Variants in CTBP2 observed in about 807,000 individuals in gnomAD.
CTBP2 encodes C-terminal binding protein 2, also known as C-terminal-binding protein 2.
A neutral mutation model predicts 80.3 loss-of-function variants in CTBP2; 30 were observed. The observed-to-expected ratio is 0.37, with a 90% confidence interval of 0.28 to 0.51. The LOEUF (loss-of-function observed/expected upper bound fraction) is 0.51, where lower values mean the gene tolerates loss of function less well. Among genes scored for constraint, CTBP2 ranks in the 20% least tolerant of loss-of-function variants. CTBP2 has a pLI of 0.93. For synonymous variants in CTBP2, 594 were observed against 587.4 expected (o/e 1.01, Z -0.16); for missense variants, 1,212 against 1,375.3 (o/e 0.88, Z 1.88).
intron 2 of CTBP2, among the ~76,000 whole-genome samples, chr10:125,050,320 C>A (rs764419200): frequency 6.6e-6 from 1 of 152,202 alleles, no homozygotes; most frequent in Non-Finnish European, 1.5e-5. Context: ...TCAAAGACAC[C>A]GCTTCCCAGA....
intron 8 of CTBP2, among the ~76,000 whole-genome samples, chr10:124,991,894 G>T (rs1017600483): frequency 5.3e-4 from 29 of 54,770 alleles, no homozygotes; most frequent in Admixed American, 1.8e-3. Flanking sequence ...CAGCAATAAT[G>T]GGGGGGGGGG....
intron 1 of CTBP2, among the ~76,000 whole-genome samples, chr10:125,129,478 C>A (rs7080602): frequency 6.6e-6 from 1 of 152,124 alleles, no homozygotes; most frequent in African/African-American, 2.4e-5. Flanking sequence ...GACCTTAGGT[C>A]ATGAGACCCG....
At chr10:125,035,492 G>T (rs1445578062) in intron 3 of CTBP2, among the ~76,000 whole-genome samples, 1 of 152,310 alleles carries the variant, frequency 6.6e-6, no homozygotes, top group East Asian at 1.9e-4. Context: ...GCAGTAAAAC[G>T]AAACACATAC....
chr10:125,144,213 C>A (rs988823923), intron 1 of CTBP2, among the ~76,000 whole-genome samples: 1 of 152,212 alleles, frequency 6.6e-6, no homozygotes, highest in African/African-American at 2.4e-5. Context: ...ACTGGATTCT[C>A]CTGCTTCCCT....
chr10:125,136,817 GC>G (rs1285780753), intron 1 of CTBP2, among the ~76,000 whole-genome samples: 1 of 152,216 alleles, frequency 6.6e-6, no homozygotes, highest in Non-Finnish European at 1.5e-5. Context: ...AGCTTCACTA[GC>G]ACAGGGACAT....
intron 8 of CTBP2, 77 bp downstream of exon 10, chr10:124,992,618 G>A (rs549834802): frequency 3.5e-5 from 37 of 1,061,356 alleles, no homozygotes; most frequent in Non-Finnish European, 4.8e-5. Flanking sequence ...TTAAGCTTCC[G>A]CCAAGTTTGG....
Position 125,026,267 on chromosome 10 carries a change from G to A in CTBP2, c.1493C>T (p.Ala498Val), listed in dbSNP as rs1165128068. The A allele has an allele frequency of 1.2e-6, 2 of 1,613,876 alleles. No individual in the cohort carries two copies. Among genetic ancestry groups the A allele is most frequent in the Non-Finnish European group, 8.5e-7 (1 of 1,179,942 alleles). Residue 498 changes from alanine (A) to valine (V), a missense_variant, in exon 1 of 9, where the codon GCC becomes GTC. Around this residue, in one of 3 missense-constraint regions of CTBP2, gnomAD observed 848 missense variants for 782.3 expected, o/e 1.08. Coordinates refer to ENST00000309035, the MANE Select transcript of CTBP2 (RefSeq NM_022802.3). ...GTGAGGGCTGGGCAGCGGAGAGGCG[G>A]CCACGTTGCGCTCCCTCTTTAGCAG...
chr10:125,073,638 G>C (rs1845852371), intron 2 of CTBP2, among the ~76,000 whole-genome samples: 1 of 152,332 alleles, frequency 6.6e-6, no homozygotes, highest in African/African-American at 2.4e-5. Flanking sequence ...ACAATTTTTA[G>C]GTGGAAAGTC....
chr10:125,104,356 CT>C (rs1851122344), intron 2 of CTBP2, among the ~76,000 whole-genome samples: 1 of 152,222 alleles, frequency 6.6e-6, no homozygotes. Context: ...ACATTTCCCC[CT>C]AATGTTCTAT....
At chr10:125,143,725 T>A (rs1439805867) in intron 1 of CTBP2, among the ~76,000 whole-genome samples, 1 of 152,192 alleles carries the variant, frequency 6.6e-6, no homozygotes, top group Non-Finnish European at 1.5e-5. Flanking sequence ...GCATTCCACT[T>A]TATTTTGTAT....
intron 2 of CTBP2, among the ~76,000 whole-genome samples, chr10:125,103,539 A>T (rs905468805): frequency 1.3e-5 from 2 of 151,866 alleles, no homozygotes; most frequent in Non-Finnish European, 2.9e-5. Flanking sequence ...GGGACTGAAG[A>T]CTCCCTCCAG....
At chr10:125,057,041 T>A (rs1964075446) in intron 2 of CTBP2, among the ~76,000 whole-genome samples, 1 of 152,214 alleles carries the variant, frequency 6.6e-6, no homozygotes. Context: ...CATGCCTCTC[T>A]GCCCTCTGGG....
intron 1 of CTBP2, among the ~76,000 whole-genome samples, chr10:125,144,280 C>T (rs977726582): frequency 3.3e-5 from 5 of 152,220 alleles, no homozygotes; most frequent in Non-Finnish European, 4.4e-5. Flanking sequence ...CATGTGAATA[C>T]ACAACCATTC....
chr10:124,997,754 C>A (rs1367924068), intron 4 of CTBP2: 1 of 594,734 alleles, frequency 1.7e-6, no homozygotes, highest in South Asian at 2.0e-5. Context: ...GACACGCATT[C>A]TTCCAGAACC....
At chr10:125,010,711 C>T (rs1008888133) in intron 1 of CTBP2, among the ~76,000 whole-genome samples, 4 of 152,186 alleles carry the variant, frequency 2.6e-5, no homozygotes, top group South Asian at 2.1e-4. Context: ...CTGAACCAGG[C>T]ACTGGAAGAC....
intron 1 of CTBP2, among the ~76,000 whole-genome samples, chr10:125,025,669 G>A (rs2134663503): frequency 6.6e-6 from 1 of 152,304 alleles, no homozygotes. Flanking sequence ...ACACTTTACA[G>A]CCAGCATTTG....
At chr10:125,121,443 G>A (rs1297932189) in intron 1 of CTBP2, among the ~76,000 whole-genome samples, 3 of 152,194 alleles carry the variant, frequency 2.0e-5, no homozygotes, top group Non-Finnish European at 4.4e-5. Context: ...CCTCAAGGTT[G>A]GGGGAGATTT....
intron 2 of CTBP2, among the ~76,000 whole-genome samples, chr10:125,107,094 C>G (rs1851578240): frequency 6.6e-6 from 1 of 152,202 alleles, no homozygotes; most frequent in Non-Finnish European, 1.5e-5. Context: ...TAACTCACAT[C>G]CAGAAGGCAC....
intron 1 of CTBP2, among the ~76,000 whole-genome samples, chr10:125,116,627 C>T (rs1384059862): frequency 1.3e-5 from 2 of 152,228 alleles, no homozygotes; most frequent in Non-Finnish European, 2.9e-5. Flanking sequence ...CAAGCCCCCT[C>T]TCCTAGCCTG....
Sources: gnomAD v4.1 joint callset for allele counts (sites outside exome capture counted in the v4.1 genomes callset) on GRCh38, gnomAD v4.1.1 for gene constraint, gnomAD v4.1.1 regional missense constraint, MANE v1.5 for transcripts, NCBI Gene and HGNC (gene_info 2026-07-23, HGNC 2026-07-21) for gene names.